ABHD17C: variants seen among roughly 807,000 people sequenced by gnomAD.
ABHD17C encodes the protein abhydrolase domain containing 17C, depalmitoylase.
A neutral mutation model predicts 27.9 loss-of-function variants in ABHD17C; 11 were observed. The observed-to-expected ratio is 0.39, with a 90% CI of 0.25 to 0.65. The LOEUF (loss-of-function observed/expected upper bound fraction) is 0.65. Among genes scored for constraint, ABHD17C ranks in the 30% least tolerant of loss-of-function variants. The pLI, the probability that ABHD17C is intolerant of heterozygous loss-of-function variation, is 0.45. For missense variants in ABHD17C, 280 were observed against 470.2 expected (o/e 0.60, Z 3.74); for synonymous variants, 233 against 209.1 (o/e 1.11, Z -0.98).
intron 1 of ABHD17C, among the ~76,000 whole-genome samples, chr15:80,712,336 C>T (rs7177344): frequency 0.35 from 53,887 of 151,984 alleles, 10,533 homozygotes; most frequent in East Asian, 0.7. Context: ...TCCTTTGATT[C>T]TTGGAATGGA....
chr15:80,731,532 C>G (rs1005070656), intron 1 of ABHD17C, among the ~76,000 whole-genome samples: 16 of 152,184 alleles, frequency 1.1e-4, no homozygotes, highest in Non-Finnish European at 1.8e-4. Flanking sequence ...CACCAGGCTT[C>G]CCTGAACCTT....
chr15:80,702,820 T>A (rs1360653268), intron 1 of ABHD17C: 1 of 152,210 alleles, frequency 6.6e-6, no homozygotes. Flanking sequence ...ATTATTTGGA[T>A]AACAGAGTGC....
At chr15:80,729,464 G>T (rs1895027050) in intron 1 of ABHD17C, among the ~76,000 whole-genome samples, 1 of 152,034 alleles carries the variant, frequency 6.6e-6, no homozygotes, top group African/African-American at 2.4e-5. Flanking sequence ...AGCTTTTTAT[G>T]ATAAAAATGC....
At chr15:80,722,186 T>C (rs1894906310) in intron 1 of ABHD17C, among the ~76,000 whole-genome samples, 1 of 152,074 alleles carries the variant, frequency 6.6e-6, no homozygotes, top group African/African-American at 2.4e-5. Flanking sequence ...GATTTTTCCC[T>C]GTCTTCCTAT....
chr15:80,735,155 G>A (rs1442283034), intron 1 of ABHD17C, among the ~76,000 whole-genome samples: 1 of 152,186 alleles, frequency 6.6e-6, no homozygotes, highest in East Asian at 1.9e-4. Context: ...TCTTAACATA[G>A]ATATCCAGTT....
intron 1 of ABHD17C, among the ~76,000 whole-genome samples, chr15:80,711,190 C>T (rs865793076): frequency 1.3e-5 from 2 of 152,178 alleles, no homozygotes; most frequent in Non-Finnish European, 1.5e-5. Context: ...CATCTGGCTC[C>T]GTAGCATCTT....
intron 1 of ABHD17C, among the ~76,000 whole-genome samples, chr15:80,701,403 C>T (rs999904158): frequency 6.6e-6 from 1 of 151,906 alleles, no homozygotes; most frequent in South Asian, 2.1e-4. Flanking sequence ...AATATGTCGG[C>T]CGCGGTGGCT....
At chr15:80,749,006 A>G (rs1470468697) in intron 1 of ABHD17C, among the ~76,000 whole-genome samples, 2 of 152,164 alleles carry the variant, frequency 1.3e-5, no homozygotes, top group African/African-American at 2.4e-5. Context: ...GGGAGACTAA[A>G]GAAAATATAA....
intron 1 of ABHD17C, among the ~76,000 whole-genome samples, chr15:80,747,206 T>A (rs1405147991): frequency 2.0e-5 from 3 of 152,150 alleles, no homozygotes; most frequent in Non-Finnish European, 4.4e-5. Context: ...GGAGGCTCTC[T>A]CTCTCCAGGT....
chr15:80,699,588 C>T lies in ABHD17C; in HGVS notation c.590+3569C>T, dbSNP rs141012117. Among the ~76,000 whole-genome samples the T allele has an allele frequency of 3.2e-4, 49 of 152,312 alleles. 1 individual carries two copies. In the East Asian group the frequency reaches 8.1e-3, roughly 25 times the overall value. The stretch of plus-strand genomic sequence containing the variant: ...CATTACCTATTTGTGCCAGCTCCTG[C>T]GCATGCTAGAGTGAGCTGTCCAGCC... On this transcript the variant is annotated intron_variant, in intron 1 of 2. Transcript: ENST00000258884.
At chr15:80,726,337 T>G (rs577742233) in intron 1 of ABHD17C, among the ~76,000 whole-genome samples, 29 of 152,266 alleles carry the variant, frequency 1.9e-4, no homozygotes, top group Admixed American at 5.9e-4. Flanking sequence ...CGGCCAGTTT[T>G]GGGGCCAGTT....
chr15:80,726,029 C>T (rs528852485), intron 1 of ABHD17C, among the ~76,000 whole-genome samples: 15 of 152,274 alleles, frequency 9.9e-5, no homozygotes, highest in African/African-American at 2.4e-4. Context: ...AACAGCAAAC[C>T]AGTCATTAGC....
chr15:80,705,333 T>TTGTGTGTGTGTGTTTGTGTGTGTGTGTG (rs1894630796), intron 1 of ABHD17C, among the ~76,000 whole-genome samples: 1 of 106,822 alleles, frequency 9.4e-6, no homozygotes, highest in African/African-American at 3.5e-5. Flanking sequence ...TTCCTATGAT[T>TTGTGTGTGTGTGTTTGTGTGTGTGTGTG]TGTGTGTGTG....
intron 1 of ABHD17C, among the ~76,000 whole-genome samples, chr15:80,696,998 C>T (rs1354762857): frequency 6.6e-6 from 1 of 152,164 alleles, no homozygotes; most frequent in Non-Finnish European, 1.5e-5. Flanking sequence ...ATGAAAGAGT[C>T]CCCAGAGGAA....
chr15:80,714,909 A>G (rs1234981088), intron 1 of ABHD17C, among the ~76,000 whole-genome samples: 2 of 152,182 alleles, frequency 1.3e-5, no homozygotes, highest in Admixed American at 6.5e-5. Context: ...CTTTCAACAA[A>G]TTGAGTACTT....
At chr15:80,707,253 A>G (rs2141492862) in intron 1 of ABHD17C, among the ~76,000 whole-genome samples, 1 of 152,308 alleles carries the variant, frequency 6.6e-6, no homozygotes, top group South Asian at 2.1e-4. Context: ...GAGGGATGGA[A>G]ATGATTTTTA....
chr15:80,706,899 A>G (rs79348488), intron 1 of ABHD17C, among the ~76,000 whole-genome samples: 36,144 of 152,198 alleles, frequency 0.24, 4,693 homozygotes, highest in South Asian at 0.32. Flanking sequence ...TCCTTATAAC[A>G]TGTAAACTTT....
chr15:80,714,013 G>A (rs907940443), intron 1 of ABHD17C, among the ~76,000 whole-genome samples: 7 of 151,882 alleles, frequency 4.6e-5, no homozygotes, highest in Non-Finnish European at 8.8e-5. Flanking sequence ...GAGTGCAGTG[G>A]CGCAATCATG....
At chr15:80,713,795 C>T (rs1249843100) in intron 1 of ABHD17C, among the ~76,000 whole-genome samples, 2 of 150,736 alleles carry the variant, frequency 1.3e-5, no homozygotes, top group South Asian at 2.1e-4. Flanking sequence ...AGTGACAGAG[C>T]GAGATTCCGT....
Sources: gnomAD v4.1 joint callset for allele counts (sites outside exome capture counted in the v4.1 genomes callset) on GRCh38, gnomAD v4.1.1 for gene constraint, MANE v1.5 for transcripts, NCBI Gene and HGNC (gene_info 2026-07-23, HGNC 2026-07-21) for gene names.